Variants in SIPA1L1 observed in about 807,000 individuals in gnomAD.
The protein encoded by SIPA1L1 is signal induced proliferation associated 1 like 1.
A neutral mutation model predicts 162.7 loss-of-function variants in SIPA1L1; 26 were observed. The ratio of observed to expected loss-of-function variants is 0.16; its 90% CI spans 0.12 to 0.22. SIPA1L1 has a LOEUF of 0.22. Ranked by LOEUF, SIPA1L1 falls within the 10% of genes least tolerant of loss-of-function variation. The pLI is 1.00. For synonymous variants in SIPA1L1, 829 were observed against 837.4 expected (o/e 0.99, Z 0.17); for missense variants, 1,874 against 2,241.0 (o/e 0.84, Z 3.31).
At chr14:71,735,640 T>A (rs2085214698) in intron 22 of SIPA1L1, 1 of 388,980 alleles carries the variant, frequency 2.6e-6, no homozygotes, top group African/African-American at 2.0e-5. Flanking sequence ...AATACATTTA[T>A]GCCCTCAGGG....
At chr14:71,334,495 A>C (rs2034885182) in intron 2 of SIPA1L1, among the ~76,000 whole-genome samples, 1 of 152,160 alleles carries the variant, frequency 6.6e-6, no homozygotes, top group Non-Finnish European at 1.5e-5. Flanking sequence ...TATGTATTTC[A>C]GTTATCTCCA....
Position 71,672,329 on chromosome 14 carries a change from C to CT in SIPA1L1, c.2830-15dup. ...ACCCTATTGCTTTAAACCACAGTATCTTTTATTTCCTTGTCTAGTTTGTTT... is the reference window on the plus strand; with the variant it reads ...ACCCTATTGCTTTAAACCACAGTATCTTTTTATTTCCTTGTCTAGTTTGTTT... On this transcript the variant is annotated intron_variant, in intron 11 of 23. Coordinates refer to ENST00000381232, the MANE Select transcript of SIPA1L1 (RefSeq NM_001386936.1). 6.2e-7 allele frequency: 1 copy of CT among 1,612,866 alleles called. No homozygotes were observed. The highest frequency in any genetic ancestry group is 8.5e-7 in the Non-Finnish European group (1 of 1,179,002).
chr14:71,518,158 C>T (rs987732017), intron 3 of SIPA1L1, among the ~76,000 whole-genome samples: 1 of 151,824 alleles, frequency 6.6e-6, no homozygotes, highest in African/African-American at 2.4e-5. Context: ...ATGGCTCACA[C>T]GTGTAGTTTC....
chr14:71,330,394 A>C, intron 2 of SIPA1L1: 1 of 1,102,552 alleles, frequency 9.1e-7, no homozygotes, highest in East Asian at 2.3e-5. Context: ...GCGGACATGC[A>C]TGCTGATTTC....
rs575254001 is a variant in SIPA1L1, at chr14:71,535,614, C to T, written c.-303+6244C>T. ...ATCCCTCCTAGGTTTTTTTTTTTTC[C>T]TTTTTCTTTTCTTTTGAGACAGAGT... On this transcript the variant is annotated intron_variant, in intron 4 of 23. Transcript: ENST00000381232. Among the ~76,000 whole-genome samples, 239 of 149,466 alleles carry T rather than the reference C, an allele frequency of 1.6e-3. 1 individual carries two copies. The highest frequency in any genetic ancestry group is 2.7e-3 in the Non-Finnish European group (183 of 67,262).
At chr14:71,732,291 T>G (rs922773985) in intron 20 of SIPA1L1, among the ~76,000 whole-genome samples, 1 of 152,202 alleles carries the variant, frequency 6.6e-6, no homozygotes, top group Non-Finnish European at 1.5e-5. Context: ...CTGGAGTCAC[T>G]TAAATATTCT....
chr14:71,512,134 C>T (rs1213192123), intron 2 of SIPA1L1, among the ~76,000 whole-genome samples: 1 of 152,134 alleles, frequency 6.6e-6, no homozygotes, highest in Non-Finnish European at 1.5e-5. Context: ...TACCTGAGGC[C>T]TGGACTTGAT....
At chr14:71,349,801 T>A (rs1362911358) in intron 2 of SIPA1L1, among the ~76,000 whole-genome samples, 1 of 152,220 alleles carries the variant, frequency 6.6e-6, no homozygotes, top group East Asian at 1.9e-4. Context: ...CTAGTATCCT[T>A]AGTGCATTTC....
Position 71,662,316 on chromosome 14 carries a change from A to G in SIPA1L1, c.2255+849A>G, listed in dbSNP as rs543433742. ...GAGTAAGCGTAGCTTAGGGAAAAAAAACAAGTAGAGGTTATGTTGGTCTCC... is the reference window on the plus strand; with the variant it reads ...GAGTAAGCGTAGCTTAGGGAAAAAAGACAAGTAGAGGTTATGTTGGTCTCC... On this transcript the variant is annotated intron_variant, in intron 10 of 23. Transcript: ENST00000381232. Among the ~76,000 whole-genome samples, 5 of 152,352 alleles carry G rather than the reference A, an allele frequency of 3.3e-5. 1 individual carries two copies. The highest frequency in any genetic ancestry group is 3.3e-4 in the Admixed American group (5 of 15,300).
At chr14:71,471,247 GA>G (rs1384890090) in intron 2 of SIPA1L1, among the ~76,000 whole-genome samples, 1 of 152,140 alleles carries the variant, frequency 6.6e-6, no homozygotes, top group Non-Finnish European at 1.5e-5. Context: ...GAGGCAGGCA[GA>G]TCACGAGATC....
intron 4 of SIPA1L1, among the ~76,000 whole-genome samples, chr14:71,572,242 C>G (rs760997134): frequency 4.6e-5 from 7 of 152,228 alleles, no homozygotes; most frequent in Non-Finnish European, 1.0e-4. Flanking sequence ...TTAAAGGCCT[C>G]TCCTCTCAAT....
At chr14:71,384,664 T>A (rs545966526) in intron 2 of SIPA1L1, among the ~76,000 whole-genome samples, 1 of 152,216 alleles carries the variant, frequency 6.6e-6, no homozygotes, top group Non-Finnish European at 1.5e-5. Context: ...AATATGAAGT[T>A]CAAATACTCA....
At chr14:71,490,804 A>G (rs144098800) in intron 2 of SIPA1L1, among the ~76,000 whole-genome samples, 210 of 152,372 alleles carry the variant, frequency 1.4e-3, no homozygotes, top group Non-Finnish European at 2.5e-3. Flanking sequence ...TTTTTTCATA[A>G]TAACATAAAT....
intron 5 of SIPA1L1, among the ~76,000 whole-genome samples, chr14:71,617,846 CAA>C (rs745469181): frequency 6.6e-6 from 1 of 152,068 alleles, no homozygotes; most frequent in Non-Finnish European, 1.5e-5. Context: ...GTTTGAAAAA[CAA>C]ATTATCTGTT....
At chr14:71,375,902 A>G (rs542288078) in intron 2 of SIPA1L1, among the ~76,000 whole-genome samples, 1 of 152,146 alleles carries the variant, frequency 6.6e-6, no homozygotes, top group Non-Finnish European at 1.5e-5. Flanking sequence ...CCAAAAATGC[A>G]TTATTGTGAT....
intron 4 of SIPA1L1, among the ~76,000 whole-genome samples, chr14:71,540,280 C>G (rs1220966137): frequency 1.3e-5 from 2 of 152,168 alleles, no homozygotes; most frequent in Admixed American, 6.5e-5. Flanking sequence ...AGGGACATTT[C>G]TGAATTCATG....
intron 22 of SIPA1L1, 32 bp from the exon 23 acceptor site, chr14:71,738,209 T>G: frequency 2.9e-5 from 32 of 1,089,152 alleles, no homozygotes; most frequent in Non-Finnish European, 3.9e-5. Context: ...TGGAGGCCCC[T>G]GCCAACATGG....
At chr14:71,555,975 A>G (rs1596094387) in intron 4 of SIPA1L1, among the ~76,000 whole-genome samples, 1 of 152,240 alleles carries the variant, frequency 6.6e-6, no homozygotes, top group Non-Finnish European at 1.5e-5. Context: ...CAGATGTAAT[A>G]ATATGACAAA....
At chr14:71,544,679 C>T (rs2055016989) in intron 4 of SIPA1L1, among the ~76,000 whole-genome samples, 1 of 151,788 alleles carries the variant, frequency 6.6e-6, no homozygotes, top group Admixed American at 6.6e-5. Context: ...GCACTGTTTT[C>T]CTGTTTCTAT....
Sources: gnomAD v4.1 joint callset for allele counts (sites outside exome capture counted in the v4.1 genomes callset) on GRCh38, gnomAD v4.1.1 for gene constraint, MANE v1.5 for transcripts, NCBI Gene and HGNC (gene_info 2026-07-23, HGNC 2026-07-21) for gene names.